The following PRR16 variants were observed in gnomAD, a reference collection of about 807,000 sequenced individuals.
PRR16 encodes the protein protein Largen.
In PRR16, 6 loss-of-function variants were observed where a neutral mutation model predicts 18.2. That is an observed-to-expected ratio of 0.33 (90% CI 0.18 to 0.65). The LOEUF (loss-of-function observed/expected upper bound fraction) is 0.65. PRR16 is among the 30% of genes least tolerant of loss of function. The pLI is 0.74. For synonymous variants in PRR16, 151 were observed against 147.8 expected, an observed-to-expected ratio of 1.02 and a Z score of -0.16; for missense variants, 412 against 376.6, an observed-to-expected ratio of 1.09 and a Z score of -0.78.
At chr5:120,679,619 T>A (rs1172821204) in intron 1 of PRR16, among the ~76,000 whole-genome samples, 5 of 152,196 alleles carry the variant, frequency 3.3e-5, no homozygotes, top group Non-Finnish European at 7.4e-5. Context: ...CTTATTTTAT[T>A]TCTTTCTAAA....
chr5:120,775,796 A>T, the PRR16 span, among the ~76,000 whole-genome samples: 5,050 of 78,958 alleles, frequency 0.064, 121 homozygotes, highest in Non-Finnish European at 0.077. Context: ...ACGCCTGGCT[A>T]TTTTTTTTTT....
At chr5:120,592,334 G>A (rs909332850) in intron 1 of PRR16, among the ~76,000 whole-genome samples, 2 of 152,168 alleles carry the variant, frequency 1.3e-5, no homozygotes, top group Non-Finnish European at 2.9e-5. Flanking sequence ...CGTAGGAGCT[G>A]TATACTGCAA....
intron 1 of PRR16, among the ~76,000 whole-genome samples, chr5:120,561,479 T>C (rs866686329): frequency 2.2e-4 from 34 of 152,320 alleles, no homozygotes; most frequent in Middle Eastern, 3.4e-3. Flanking sequence ...TCAGAGAAGA[T>C]TCTCAATAGT....
At chr5:120,561,239 A>G (rs1161638491) in intron 1 of PRR16, among the ~76,000 whole-genome samples, 1 of 151,400 alleles carries the variant, frequency 6.6e-6, no homozygotes, top group African/African-American at 2.4e-5. Flanking sequence ...TTCTTTTTTG[A>G]TGTAGACCTT....
the PRR16 span, among the ~76,000 whole-genome samples, chr5:120,703,403 G>A: frequency 6.6e-6 from 1 of 152,228 alleles, no homozygotes; most frequent in South Asian, 2.1e-4. Context: ...TGGGCTCAGA[G>A]GCCTGACATA....
the PRR16 span, among the ~76,000 whole-genome samples, chr5:120,746,481 C>T: frequency 6.6e-6 from 1 of 151,976 alleles, no homozygotes; most frequent in Non-Finnish European, 1.5e-5. Flanking sequence ...TGAGCCAACT[C>T]GGAACTAAAA....
the PRR16 span, among the ~76,000 whole-genome samples, chr5:120,727,987 T>TA: frequency 2.0e-4 from 30 of 152,012 alleles, no homozygotes; most frequent in Non-Finnish European, 1.9e-4. Flanking sequence ...ATCTATAGAA[T>TA]ATCTATTCAA....
In PRR16 at chr5:120,478,878, G is replaced by A. The variant is rs542732698; in HGVS notation, c.159+14233G>A. Among the ~76,000 whole-genome samples the A allele has an allele frequency of 7.5e-3, 1,135 of 151,944 alleles. 21 individuals are homozygous for A. Among genetic ancestry groups the A allele is most frequent in the African/African-American group, 0.026 (1,089 of 41,434 alleles). On this transcript the variant is annotated intron_variant, in intron 1 of 1. Coordinates refer to ENST00000407149, the MANE Select transcript of PRR16 (RefSeq NM_001300783.2). ...ATATCATGCATTTTTCTTGCCTTTA[G>A]CCATTACAAATTTTAAATTAACTGG...
the PRR16 span, among the ~76,000 whole-genome samples, chr5:120,788,144 A>G: frequency 1.3e-5 from 2 of 152,094 alleles, no homozygotes; most frequent in South Asian, 4.1e-4. Context: ...TTATATTTAC[A>G]TATATTGTGT....
chr5:120,660,006 T>A (rs2150137745), intron 1 of PRR16, among the ~76,000 whole-genome samples: 1 of 152,160 alleles, frequency 6.6e-6, no homozygotes, highest in East Asian at 1.9e-4. Context: ...ATTCTGTAGT[T>A]CAGATCACTC....
At chr5:120,700,044 A>G in the PRR16 span, among the ~76,000 whole-genome samples, 6 of 152,144 alleles carry the variant, frequency 3.9e-5, no homozygotes, top group African/African-American at 1.2e-4. Flanking sequence ...GATGAAGGGT[A>G]CAAAGCAATA....
the PRR16 span, among the ~76,000 whole-genome samples, chr5:120,726,496 T>C: frequency 6.6e-6 from 1 of 152,134 alleles, no homozygotes; most frequent in South Asian, 2.1e-4. Context: ...CAAACTGTTC[T>C]CTTCTGGCTC....
At chr5:120,758,808 T>TG in the PRR16 span, among the ~76,000 whole-genome samples, 1 of 152,130 alleles carries the variant, frequency 6.6e-6, no homozygotes, top group African/African-American at 2.4e-5. Flanking sequence ...TTTATAGTAC[T>TG]ATGAAAACAA....
At chr5:120,612,521 T>C (rs560595742) in intron 1 of PRR16, among the ~76,000 whole-genome samples, 1 of 152,258 alleles carries the variant, frequency 6.6e-6, no homozygotes, top group South Asian at 2.1e-4. Context: ...GGTGAATAAG[T>C]ATTACGATAT....
Position 120,677,631 on chromosome 5 carries a change from G to T in PRR16, c.160-8323G>T, listed in dbSNP as rs1398076111. On this transcript the variant is annotated intron_variant, in intron 1 of 1. Transcript: ENST00000407149. ...TCTTCTTGGAAAGGTTTCAGTCAGG[G>T]TTAAGTTCCTTTTTTCTCTCCATTA... is the stretch of plus-strand genomic sequence containing the variant. 2.0e-5 allele frequency among the ~76,000 whole-genome samples: 3 copies of T among 152,204 alleles called. No homozygotes were observed. In the East Asian group the frequency reaches 5.8e-4, roughly 29 times the overall value.
chr5:120,637,997 T>C (rs1160102189), intron 1 of PRR16, among the ~76,000 whole-genome samples: 1 of 152,184 alleles, frequency 6.6e-6, no homozygotes, highest in Non-Finnish European at 1.5e-5. Context: ...TTTTCAGATT[T>C]TGGAATATTT....
At chr5:120,754,243 G>T in the PRR16 span, among the ~76,000 whole-genome samples, 405 of 22,984 alleles carry the variant, frequency 0.018, 1 homozygote, top group South Asian at 0.059. Context: ...TATATAATTA[G>T]ATATTATAAT....
intron 1 of PRR16, among the ~76,000 whole-genome samples, chr5:120,523,243 A>G (rs926457323): frequency 1.3e-5 from 2 of 152,222 alleles, no homozygotes; most frequent in African/African-American, 2.4e-5. Flanking sequence ...ATTTTAATAA[A>G]TAGCTCAACA....
chr5:120,704,711 G>A, the PRR16 span, among the ~76,000 whole-genome samples: 65 of 152,214 alleles, frequency 4.3e-4, no homozygotes, highest in South Asian at 0.013. Context: ...TCAGACATCA[G>A]TAGGCTTCAA....
Sources: allele counts gnomAD v4.1 joint callset (sites outside exome capture counted in the v4.1 genomes callset), GRCh38; gene constraint gnomAD v4.1.1; transcripts MANE v1.5; gene names NCBI Gene and HGNC (gene_info 2026-07-23, HGNC 2026-07-21).